EPHX2: variants seen among roughly 807,000 people sequenced by gnomAD.
The protein encoded by EPHX2 is epoxide hydrolase 2, also known as bifunctional epoxide hydrolase 2.
A neutral mutation model predicts 78.7 loss-of-function variants in EPHX2; 74 were observed. The ratio of observed to expected loss-of-function variants is 0.94; its 90% confidence interval spans 0.78 to 1.14. The LOEUF (loss-of-function observed/expected upper bound fraction) is 1.14. EPHX2 is among the 50% of genes most tolerant of loss of function. The pLI, the probability that EPHX2 is intolerant of heterozygous loss-of-function variation, is 0.00. For synonymous variants in EPHX2, 251 were observed against 255.2 expected (o/e 0.98, Z 0.16); for missense variants, 715 against 702.5 (o/e 1.02, Z -0.20).
chr8:27,536,100 G>A (rs188176431), intron 12 of EPHX2, among the ~76,000 whole-genome samples: 1 of 152,116 alleles, frequency 6.6e-6, no homozygotes, highest in Non-Finnish European at 1.5e-5. Context: ...CCCAAGAACT[G>A]GAAGGACCTG....
At position 27,503,600 on chromosome 8, in the gene EPHX2, A is replaced by G. The variant is rs1813879436; in HGVS notation, c.187-4A>G. On this transcript the variant is annotated splice_region_variant and splice_polypyrimidine_tract_variant and intron_variant, in intron 2 of 18. Transcript: ENST00000521400. ...CAAATTGTCCCCTCACTTCACTTTG[A>G]CAGTGGATACCACTCATGGAAGAAA... The G allele has an allele frequency of 3.1e-6, 5 of 1,607,054 alleles. No individual in the cohort carries two copies. The highest frequency in any genetic ancestry group is 4.3e-6 in the Non-Finnish European group (5 of 1,176,274).
chr8:27,492,561 A>C (rs552001829), intron 1 of EPHX2, among the ~76,000 whole-genome samples: 123 of 152,294 alleles, frequency 8.1e-4, no homozygotes, highest in African/African-American at 2.9e-3. Flanking sequence ...GCGCAGACCC[A>C]AAGAGTGAGT....
intron 9 of EPHX2, among the ~76,000 whole-genome samples, chr8:27,520,293 G>A (rs1189268929): frequency 6.6e-6 from 1 of 151,488 alleles, no homozygotes; most frequent in Non-Finnish European, 1.5e-5. Flanking sequence ...AGCCTCCTGA[G>A]TAGCTGGGAT....
chr8:27,538,348 C>A (rs993944003), intron 13 of EPHX2, among the ~76,000 whole-genome samples: 3 of 152,170 alleles, frequency 2.0e-5, no homozygotes, highest in Admixed American at 6.5e-5. Context: ...GGTCTCTTTT[C>A]TTGTTCCCAT....
chr8:27,538,176 C>T (rs1452366389), intron 13 of EPHX2, among the ~76,000 whole-genome samples: 3 of 152,266 alleles, frequency 2.0e-5, no homozygotes, highest in Non-Finnish European at 2.9e-5. Flanking sequence ...TAGTACCAAG[C>T]TGAAACAGAC....
At chr8:27,543,695 G>A (rs1815485230) in intron 16 of EPHX2, 54 bp from the exon 17 acceptor site, 3 of 1,586,268 alleles carry the variant, frequency 1.9e-6, no homozygotes, top group Non-Finnish European at 2.6e-6. Context: ...AGAGGAGGAG[G>A]GAGGGCTTCC....
At chr8:27,501,364 T>TTCG (rs1813776395) in intron 2 of EPHX2, among the ~76,000 whole-genome samples, 1 of 132,614 alleles carries the variant, frequency 7.5e-6, no homozygotes, top group African/African-American at 3.0e-5. Context: ...CTTCTTCTTC[T>TTCG]TCTTCTTCTT....
chr8:27,498,411 T>C (rs944378634), intron 1 of EPHX2, among the ~76,000 whole-genome samples: 11 of 151,996 alleles, frequency 7.2e-5, no homozygotes, highest in Non-Finnish European at 1.6e-4. Context: ...TTGTATCAAG[T>C]TGCTTTTTTT....
intron 13 of EPHX2, among the ~76,000 whole-genome samples, chr8:27,537,059 T>C (rs1767522909): frequency 6.6e-6 from 1 of 152,230 alleles, no homozygotes; most frequent in Admixed American, 6.5e-5. Context: ...ATAATAATGA[T>C]GGCTTGGAAA....
intron 1 of EPHX2, among the ~76,000 whole-genome samples, chr8:27,496,769 G>A (rs1813588432): frequency 6.6e-6 from 1 of 152,092 alleles, no homozygotes; most frequent in Non-Finnish European, 1.5e-5. Flanking sequence ...AAAGTGGTGG[G>A]GTCTTTAACC....
At chr8:27,548,259 T>C (rs1563368188), downstream of EPHX2, among the ~76,000 whole-genome samples, 1 of 152,212 alleles carries the variant, frequency 6.6e-6, no homozygotes, top group Non-Finnish European at 1.5e-5. Context: ...TGTCCACCAG[T>C]TTCCGTGTCG....
At chr8:27,538,721 C>G in intron 14 of EPHX2, 29 bp downstream of exon 14, 3 of 1,608,336 alleles carry the variant, frequency 1.9e-6, no homozygotes, top group Admixed American at 1.7e-5. Context: ...AGAGCCATAT[C>G]TGGAACCAGC....
At position 27,531,743 on chromosome 8, in the gene EPHX2, T is replaced by C. The variant is rs140141909; in HGVS notation, c.1171-5041T>C. Among the ~76,000 whole-genome samples, 775 of 152,234 alleles carry C rather than the reference T, an allele frequency of 5.1e-3. 6 individuals carry two copies. The highest frequency in any genetic ancestry group is 0.017 in the African/African-American group (719 of 41,534). ...CTCCATTGTCTCACCCACAAAACAA[T>C]AGCCACAGTTAAGTGCAGCCTCTCA... is the stretch of plus-strand genomic sequence containing the variant. On this transcript the variant is annotated intron_variant, in intron 12 of 18. Transcript: ENST00000521400.
In EPHX2 at chr8:27,525,492, G is replaced by A. The variant is rs769172511; in HGVS notation, c.1170+19G>A. 1.3e-6 allele frequency: 2 copies of A among 1,582,464 alleles called. No homozygotes were observed. The highest frequency in any genetic ancestry group is 2.7e-5 in the African/African-American group (2 of 74,202). On this transcript the variant is annotated intron_variant, in intron 12 of 18. Coordinates refer to ENST00000521400, the MANE Select transcript of EPHX2 (RefSeq NM_001979.6). ...AGAACCAGTAAGTATGGCACCAAGG[G>A]CAACAATGGGAGCATTAGTGTTTGC...
chr8:27,534,211 A>C (rs1815137006), intron 12 of EPHX2, among the ~76,000 whole-genome samples: 1 of 152,190 alleles, frequency 6.6e-6, no homozygotes, highest in African/African-American at 2.4e-5. Context: ...AAACGGAGGG[A>C]ACTGTCATTA....
At chr8:27,503,850 A>G (rs1813894370) in intron 3 of EPHX2, 87 bp downstream of exon 3, 29 of 1,454,522 alleles carry the variant, frequency 2.0e-5, no homozygotes, top group South Asian at 4.2e-5. Context: ...GTGAGCTTTG[A>G]GATCACAGAT....
At chr8:27,507,929 G>T (rs898170881) in intron 5 of EPHX2, among the ~76,000 whole-genome samples, 1 of 151,878 alleles carries the variant, frequency 6.6e-6, no homozygotes, top group African/African-American at 2.4e-5. Context: ...ATTGCACTAG[G>T]TCCCACCCTA....
At chr8:27,513,450 C>G (rs1814329906) in intron 6 of EPHX2, among the ~76,000 whole-genome samples, 1 of 152,104 alleles carries the variant, frequency 6.6e-6, no homozygotes, top group East Asian at 1.9e-4. Flanking sequence ...CAGCCAGTTT[C>G]AAGAGATTAT....
At chr8:27,495,251 C>T (rs566085074) in intron 1 of EPHX2, among the ~76,000 whole-genome samples, 111 of 151,764 alleles carry the variant, frequency 7.3e-4, no homozygotes, top group African/African-American at 2.0e-3. Flanking sequence ...ATTTTTTTTT[C>T]TTTCCCAGTT....
Sources: gnomAD v4.1 joint callset for allele counts (sites outside exome capture counted in the v4.1 genomes callset) on GRCh38, gnomAD v4.1.1 for gene constraint, MANE v1.5 for transcripts, NCBI Gene and HGNC (gene_info 2026-07-23, HGNC 2026-07-21) for gene names.